PNPLA5: variants seen among roughly 807,000 people sequenced by gnomAD.
The protein encoded by PNPLA5 is patatin like domain 5, triacylglycerol lipase.
In PNPLA5, 44 loss-of-function variants were observed where a neutral mutation model predicts 49.1. That is an observed-to-expected ratio of 0.90 (90% CI 0.70 to 1.15). The LOEUF (loss-of-function observed/expected upper bound fraction) is 1.15. Among genes scored for constraint, PNPLA5 ranks in the 50% most tolerant of loss-of-function variants. The pLI is 0.00. For missense variants in PNPLA5, 603 were observed against 564.0 expected (o/e 1.07, Z -0.70); for synonymous variants, 243 against 244.4 (o/e 0.99, Z 0.06).
At chr22:43,890,948 G>T in intron 2 of PNPLA5, 114 bp downstream of exon 2, 1 of 1,307,834 alleles carries the variant, frequency 7.6e-7, no homozygotes, top group Non-Finnish European at 1.0e-6. Context: ...AGGTCCACCC[G>T]CCCTCCCTCC....
Position 43,891,920 on chromosome 22 carries a change from T to A in PNPLA5, c.-40A>T. 1 of 1,491,038 alleles carries A rather than the reference T, an allele frequency of 6.7e-7. No homozygotes were observed. The highest frequency in any genetic ancestry group is 8.9e-7 in the Non-Finnish European group (1 of 1,126,252). The allele number at this position is 1,491,038 out of a possible 1,614,324, so 92.4% of individuals were successfully genotyped here. A position where few individuals can be genotyped will look rare whatever the true frequency, so the allele number is the denominator to read the frequency against. The stretch of plus-strand genomic sequence containing the variant: ...GCGGGGTGATCGGGACGAGGAAGGG[T>A]CACTCCGTGACCCGGGATAGGGCCG... On this transcript the variant is annotated 5_prime_UTR_variant, in exon 1 of 9. Coordinates refer to ENST00000216177, the MANE Select transcript of PNPLA5 (RefSeq NM_138814.4).
chr22:43,889,663 GC>G lies in PNPLA5; in HGVS notation c.493-126del, dbSNP rs371221550. The G allele has an allele frequency of 3.0e-3, 4,474 of 1,515,672 alleles. 177 individuals are homozygous for G. In the South Asian group the frequency reaches 0.056, roughly 19 times the overall value. The allele number at this position is 1,515,672 out of a possible 1,614,324, so 93.9% of individuals were successfully genotyped here. ...GCCACTCCAGCCCAGGAGGCTGAAC[GC>G]CCCCCAGGAGCAGGGGGAGGGCCTG... On this transcript the variant is annotated intron_variant, in intron 3 of 8. Coordinates refer to ENST00000216177, the MANE Select transcript of PNPLA5 (RefSeq NM_138814.4).
intron 5 of PNPLA5, 86 bp from the exon 6 acceptor site, chr22:43,886,574 C>T (rs1261169444): frequency 9.9e-6 from 15 of 1,508,438 alleles, no homozygotes; most frequent in Non-Finnish European, 1.2e-5. Flanking sequence ...AGAGCCCAAA[C>T]CCAGTTCTGG....
chr22:43,882,754 C>T (rs988707450), intron 7 of PNPLA5, among the ~76,000 whole-genome samples: 4 of 152,240 alleles, frequency 2.6e-5, no homozygotes, highest in Admixed American at 6.5e-5. Context: ...AGAAAGCTCT[C>T]TCCTGGGTTT....
chr22:43,881,380 G>T (rs1284704779), intron 8 of PNPLA5, among the ~76,000 whole-genome samples, 178 bp downstream of exon 8: 1 of 152,220 alleles, frequency 6.6e-6, no homozygotes, highest in East Asian at 1.9e-4. Flanking sequence ...GCACAGGTCG[G>T]GCGCACAGCA....
intron 4 of PNPLA5, among the ~76,000 whole-genome samples, chr22:43,888,581 T>C (rs1308670449): frequency 6.6e-6 from 1 of 151,890 alleles, no homozygotes; most frequent in South Asian, 2.1e-4. Flanking sequence ...ATTACAGGCA[T>C]GCGCCACCAT....
intron 3 of PNPLA5, 27 bp from the exon 4 acceptor site, chr22:43,889,565 G>A: frequency 6.4e-7 from 1 of 1,572,656 alleles, no homozygotes; most frequent in Non-Finnish European, 8.6e-7. Context: ...GCAGGTGGGT[G>A]GTGCTGCCCT....
chr22:43,891,191 C>T lies in PNPLA5; in HGVS notation c.297G>A (p.Gln99=). 2 of 1,591,678 alleles carry T rather than the reference C, an allele frequency of 1.3e-6. No homozygotes were observed. Among genetic ancestry groups the T allele is most frequent in the Non-Finnish European group, 1.7e-6 (2 of 1,166,230 alleles). Reference sequence around the variant, plus strand: ...CGTCGGGGGGCAGAGCATCCTGCAGCTGCTGCTTGACGTGCTCGATGGGCG... The same window carrying T: ...CGTCGGGGGGCAGAGCATCCTGCAGTTGCTGCTTGACGTGCTCGATGGGCG... ...AYAPIEHVKQ[Q]LQDALPPDAH... is the part of the protein sequence containing the mutation. The change falls in exon 2 of 9, where the codon CAG becomes CAA. Residue 99 remains glutamine, a synonymous_variant. Transcript: ENST00000216177.
At chr22:43,884,501 G>T (rs574278931) in intron 6 of PNPLA5, 156 bp from the exon 7 acceptor site, 2 of 748,838 alleles carry the variant, frequency 2.7e-6, no homozygotes, top group South Asian at 6.0e-5. Flanking sequence ...CCAGCAGGTA[G>T]CTCTGCGCTC....
chr22:43,880,460 G>T lies in PNPLA5; in HGVS notation c.*335C>A. 2 of 398,778 alleles carry T rather than the reference G, an allele frequency of 5.0e-6. No homozygotes were observed. The highest frequency in any genetic ancestry group is 2.1e-5 in the African/African-American group (1 of 48,778). 24.7% of individuals were successfully genotyped at this position (398,778 alleles called of 1,614,324 possible). A position where few individuals can be genotyped will look rare whatever the true frequency, so the allele number is the denominator to read the frequency against. On this transcript the variant is annotated 3_prime_UTR_variant, in exon 9 of 9. Coordinates refer to ENST00000216177, the MANE Select transcript of PNPLA5 (RefSeq NM_138814.4). Reference sequence around the variant, plus strand: ...TTCTCAATCTTCTGTGAGGTGCTCCGTGGGCAGCTCCACGGCAGAACAGGA... The same window carrying T: ...TTCTCAATCTTCTGTGAGGTGCTCCTTGGGCAGCTCCACGGCAGAACAGGA...
Position 43,884,253 on chromosome 22 carries a change from A to G in PNPLA5, c.1042T>C (p.Cys348Arg). 3.1e-6 allele frequency: 5 copies of G among 1,594,580 alleles called. No homozygotes were observed. Among genetic ancestry groups the G allele is most frequent in the African/African-American group, 1.4e-5 (1 of 73,764 alleles). Residue 348 changes from cysteine to arginine, a missense_variant, in exon 7 of 9, where the codon TGC (cysteine) becomes CGC (arginine). By Grantham distance (180) the Cys-to-Arg change is radical. Transcript: ENST00000216177. Reference protein sequence around the residue: ...GQVLTYLLLPCTLPFEYIYFR... With the variant: ...GQVLTYLLLPRTLPFEYIYFR... ...TAGATGTACTCGAAGGGCAGTGTGC[A>G]GGGTAGCAGCAGGTACGTCAGCACC...
At position 43,880,869 on chromosome 22, in the gene PNPLA5, C is replaced by G; in HGVS notation, c.1216G>C (p.Val406Leu). The change falls in exon 9 of 9, where the codon GTC becomes CTC. Residue 406 changes from valine (V) to leucine (L), a missense_variant. Physicochemically the swap from Val to Leu is conservative, Grantham distance 32. Coordinates refer to ENST00000216177, the MANE Select transcript of PNPLA5 (RefSeq NM_138814.4). ...LGPISPPATRVLETSPLQPQI... is the reference protein window; with the variant it reads ...LGPISPPATRLLETSPLQPQI... ...GGTTGGAGGGGGCTTGTTTCCAGGA[C>G]GCGAGTGGCCGGAGGGCTGTGGAGG... 4 of 1,335,894 alleles carry G rather than the reference C, an allele frequency of 3.0e-6. No individual in the cohort carries two copies. The highest frequency in any genetic ancestry group is 3.9e-6 in the Non-Finnish European group (4 of 1,035,194). 82.8% of individuals were successfully genotyped at this position (1,335,894 alleles called of 1,614,324 possible).
chr22:43,886,658 C>T lies in PNPLA5; in HGVS notation c.764-170G>A, dbSNP rs558454087. On this transcript the variant is annotated intron_variant, in intron 5 of 8. Coordinates refer to ENST00000216177, the MANE Select transcript of PNPLA5 (RefSeq NM_138814.4). ...CCTTCTGCCTTCCCCTGGCCCTGCT[C>T]TGCCCTGCTCCCTGCCCACTTTCGA... 356 of 964,444 alleles carry T rather than the reference C, an allele frequency of 3.7e-4. 4 individuals are homozygous for T. In the African/African-American group the frequency reaches 5.8e-3, roughly 16 times the overall value. 59.7% of individuals were successfully genotyped at this position (964,444 alleles called of 1,614,324 possible). A position where few individuals can be genotyped will look rare whatever the true frequency, so the allele number is the denominator to read the frequency against.
In PNPLA5 at chr22:43,891,888, G is replaced by A; in HGVS notation, c.-8C>T. 1 of 1,508,290 alleles carries A rather than the reference G, an allele frequency of 6.6e-7. No homozygotes were observed. The highest frequency in any genetic ancestry group is 8.8e-7 in the Non-Finnish European group (1 of 1,135,570). The allele number at this position is 1,508,290 out of a possible 1,614,324, so 93.4% of individuals were successfully genotyped here. A position where few individuals can be genotyped will look rare whatever the true frequency, so the allele number is the denominator to read the frequency against. On this transcript the variant is annotated 5_prime_UTR_variant, in exon 1 of 9. Coordinates refer to ENST00000216177, the MANE Select transcript of PNPLA5 (RefSeq NM_138814.4). ...CTCCTCTAAGAAGCCCATGGCGGGT[G>A]GACCGGGCGGGGTGATCGGGACGAG...
intron 6 of PNPLA5, among the ~76,000 whole-genome samples, chr22:43,885,411 C>T (rs563406633): frequency 6.6e-6 from 1 of 151,656 alleles, no homozygotes; most frequent in East Asian, 2.0e-4. Context: ...GGTCCACCAC[C>T]CCCTCCCGCC....
chr22:43,881,768 G>T (rs1451975021), intron 7 of PNPLA5, 94 bp from the exon 8 acceptor site: 5 of 1,511,542 alleles, frequency 3.3e-6, no homozygotes, highest in South Asian at 1.3e-5. Context: ...ACAGCCGGGA[G>T]CCCTGCTCCT....
At chr22:43,886,584 G>A (rs2049667424) in intron 5 of PNPLA5, 96 bp from the exon 6 acceptor site, 4 of 1,496,292 alleles carry the variant, frequency 2.7e-6, no homozygotes, top group Middle Eastern at 2.4e-4. Flanking sequence ...CCCAGTTCTG[G>A]GGATCCACTG....
In PNPLA5 at chr22:43,891,119, C is replaced by A. The variant is rs1438028984; in HGVS notation, c.369G>T (p.Trp123Cys). ...SQRLGISLTR[W>C]PDGRNFLVTD... ...TGACCAAGAAGTTGCGTCCGTCAGGCCAGCGGGTCAGCGAAATGCCCAGCC... is the reference window on the plus strand; with the variant it reads ...TGACCAAGAAGTTGCGTCCGTCAGGACAGCGGGTCAGCGAAATGCCCAGCC... Residue 123 changes from tryptophan (W) to cysteine (C), a missense_variant, in exon 2 of 9, where the codon TGG becomes TGT. Transcript: ENST00000216177. 6.2e-7 allele frequency: 1 copy of A among 1,609,750 alleles called. No individual in the cohort carries two copies. The highest frequency in any genetic ancestry group is 8.5e-7 in the Non-Finnish European group (1 of 1,177,878).
rs1380541746 is a variant in PNPLA5 at position 43,891,907 on chromosome 22, G to A, written c.-27C>T. The stretch of plus-strand genomic sequence containing the variant: ...GCGGGTGGACCGGGCGGGGTGATCG[G>A]GACGAGGAAGGGTCACTCCGTGACC... On this transcript the variant is annotated 5_prime_UTR_variant, in exon 1 of 9. Transcript: ENST00000216177. 1.3e-6 allele frequency: 2 copies of A among 1,502,110 alleles called. No homozygotes were observed. The highest frequency in any genetic ancestry group is 1.4e-5 in the African/African-American group (1 of 69,074). The allele number at this position is 1,502,110 out of a possible 1,614,324, so 93.0% of individuals were successfully genotyped here.
Sources: gnomAD v4.1 joint callset for allele counts (sites outside exome capture counted in the v4.1 genomes callset) on GRCh38, gnomAD v4.1.1 for gene constraint, MANE v1.5 for transcripts, NCBI Gene and HGNC (gene_info 2026-07-23, HGNC 2026-07-21) for gene names.